WWP2: variants seen among roughly 807,000 people sequenced by gnomAD.
WWP2 encodes NEDD4-like E3 ubiquitin-protein ligase WWP2.
WWP2 carries 57 observed loss-of-function variants against 121.0 expected under a neutral mutation model. The ratio of observed to expected loss-of-function variants is 0.47; its 90% CI spans 0.38 to 0.59. WWP2 has a LOEUF of 0.59. WWP2 is among the 20% of genes least tolerant of loss of function. WWP2 has a pLI of 0.00. For synonymous variants in WWP2, 449 were observed against 441.3 expected, an observed-to-expected ratio of 1.02 and a Z score of -0.22; for missense variants, 962 against 1,158.9, an observed-to-expected ratio of 0.83 and a Z score of 2.47.
intron 1 of WWP2, among the ~76,000 whole-genome samples, chr16:69,777,303 T>C (rs2055555418): frequency 6.6e-6 from 1 of 151,962 alleles, no homozygotes. Context: ...TATACTTTTA[T>C]ATTTTCTTTT....
intron 9 of WWP2, among the ~76,000 whole-genome samples, chr16:69,914,855 C>G (rs145081584): frequency 7.2e-5 from 11 of 152,334 alleles, no homozygotes; most frequent in African/African-American, 2.6e-4. Context: ...TTCAGACATT[C>G]TGGGCTTCAA....
At chr16:69,899,726 C>CAAAAAA (rs35485826) in intron 8 of WWP2, among the ~76,000 whole-genome samples, 6 of 64,714 alleles carry the variant, frequency 9.3e-5, no homozygotes, top group Admixed American at 2.2e-4. Context: ...GACTCCGTCT[C>CAAAAAA]AAAAAAAAAA....
intron 1 of WWP2, among the ~76,000 whole-genome samples, chr16:69,778,452 A>T (rs1342655424): frequency 6.6e-6 from 1 of 152,074 alleles, no homozygotes; most frequent in South Asian, 2.1e-4. Context: ...TTACTTGAGT[A>T]CGTGTACGGA....
chr16:69,794,988 G>A (rs2055997994), intron 2 of WWP2, among the ~76,000 whole-genome samples: 1 of 152,126 alleles, frequency 6.6e-6, no homozygotes, highest in African/African-American at 2.4e-5. Flanking sequence ...GCTCTGGCGG[G>A]TAGATCGCTT....
intron 6 of WWP2, among the ~76,000 whole-genome samples, chr16:69,855,691 G>A (rs756685013): frequency 4.6e-5 from 7 of 152,162 alleles, no homozygotes; most frequent in Non-Finnish European, 1.0e-4. Flanking sequence ...AAGAGAGTTT[G>A]GGCAGAAGAA....
Position 69,924,730 on chromosome 16 carries a change from AAC to A in WWP2, c.1180-696_1180-695del, listed in dbSNP as rs1324138718. ...CCCCCCCCACCCCCACCCCGAGACA[AAC>A]ACAGAACACTGAGCAACTTCAGGTT... On this transcript the variant is annotated intron_variant, in intron 10 of 23. Transcript: ENST00000359154. Among the ~76,000 whole-genome samples, 13 of 131,874 alleles carry A rather than the reference AAC, an allele frequency of 9.9e-5. No individual in the cohort carries two copies. In the East Asian group the frequency reaches 1.4e-3, roughly 14 times the overall value. The allele number at this position is 131,874 out of a possible 152,430, so 86.5% of individuals were successfully genotyped here. A position where few individuals can be genotyped will look rare whatever the true frequency, so the allele number is the denominator to read the frequency against.
At chr16:69,909,096 A>G (rs1279857408) in intron 9 of WWP2, 4 of 1,271,594 alleles carry the variant, frequency 3.1e-6, no homozygotes, top group Non-Finnish European at 3.0e-6. Context: ...GTGTTGATGC[A>G]TTCCGCCGTA....
intron 19 of WWP2, 109 bp downstream of exon 19, chr16:69,936,561 T>G (rs1207516436): frequency 1.3e-6 from 2 of 1,487,846 alleles, no homozygotes; most frequent in African/African-American, 2.8e-5. Flanking sequence ...GTGGATGCCA[T>G]TTGCATTTGC....
intron 4 of WWP2, among the ~76,000 whole-genome samples, chr16:69,835,178 A>G (rs1313173639): frequency 6.6e-6 from 1 of 152,202 alleles, no homozygotes; most frequent in African/African-American, 2.4e-5. Flanking sequence ...ACATACTGGA[A>G]GAGAAAGGGC....
intron 8 of WWP2, among the ~76,000 whole-genome samples, chr16:69,901,731 C>T (rs2058208763): frequency 6.6e-6 from 1 of 152,116 alleles, no homozygotes; most frequent in Admixed American, 6.5e-5. Context: ...GCTGATAATG[C>T]TCTTACCAAG....
intron 7 of WWP2, among the ~76,000 whole-genome samples, chr16:69,879,420 C>G (rs2057787083): frequency 6.6e-6 from 1 of 152,126 alleles, no homozygotes; most frequent in South Asian, 2.1e-4. Flanking sequence ...ATGGTGACCC[C>G]TATTCTCCTG....
At chr16:69,892,975 C>T (rs1319341398) in intron 8 of WWP2, among the ~76,000 whole-genome samples, 1 of 152,220 alleles carries the variant, frequency 6.6e-6, no homozygotes, top group East Asian at 1.9e-4. Context: ...ACCCCACCTA[C>T]CCTTCAAGCC....
chr16:69,853,217 A>T (rs9922239), intron 6 of WWP2, among the ~76,000 whole-genome samples: 1 of 152,182 alleles, frequency 6.6e-6, no homozygotes, highest in Non-Finnish European at 1.5e-5. Context: ...AAAAGGATTT[A>T]ATATGGGGAA....
At position 69,925,344 on chromosome 16, in the gene WWP2, G is replaced by A; in HGVS notation, c.1180-86G>A. 2 of 1,576,286 alleles carry A rather than the reference G, an allele frequency of 1.3e-6. No individual in the cohort carries two copies. Among genetic ancestry groups the A allele is most frequent in the South Asian group, 2.3e-5 (2 of 86,260 alleles). On this transcript the variant is annotated intron_variant, in intron 10 of 23. Coordinates refer to ENST00000359154, the MANE Select transcript of WWP2 (RefSeq NM_001270454.2). The surrounding 1 kb of genome is among the most constrained non-coding windows in gnomAD (Gnocchi z 4.0). ...CGCTCAAATGTGGAAGCCAGTCATT[G>A]GCATTTTTATTTTTTATTGATTGAT...
intron 4 of WWP2, among the ~76,000 whole-genome samples, chr16:69,809,400 G>T (rs1011719740): frequency 1.3e-5 from 2 of 152,088 alleles, no homozygotes; most frequent in Non-Finnish European, 2.9e-5. Context: ...CCGGATGCGA[G>T]ACTGTCTTGC....
At chr16:69,924,810 G>A (rs778442560) in intron 10 of WWP2, among the ~76,000 whole-genome samples, 2 of 151,364 alleles carry the variant, frequency 1.3e-5, no homozygotes, top group Admixed American at 6.6e-5. Flanking sequence ...AACATTCCTG[G>A]GGGAGGTGAG....
At chr16:69,857,199 G>T (rs1199668567) in intron 6 of WWP2, among the ~76,000 whole-genome samples, 1 of 152,052 alleles carries the variant, frequency 6.6e-6, no homozygotes, top group Non-Finnish European at 1.5e-5. Context: ...TGCCTCTGGG[G>T]TTCAAGCGAT....
chr16:69,893,691 G>A (rs1291985406), intron 8 of WWP2, among the ~76,000 whole-genome samples: 3 of 152,050 alleles, frequency 2.0e-5, no homozygotes, highest in Admixed American at 1.3e-4. Flanking sequence ...ACAGGCTTGC[G>A]CCACCACGCC....
chr16:69,861,533 A>C (rs1165110089), intron 6 of WWP2, among the ~76,000 whole-genome samples: 1 of 152,152 alleles, frequency 6.6e-6, no homozygotes, highest in African/African-American at 2.4e-5. Context: ...CTGGCAGTCC[A>C]GAGGTAGGGT....
Sources: allele counts gnomAD v4.1 joint callset (sites outside exome capture counted in the v4.1 genomes callset), GRCh38; gene constraint gnomAD v4.1.1; non-coding constraint Gnocchi (gnomAD v3.1); transcripts MANE v1.5; gene names NCBI Gene and HGNC (gene_info 2026-07-23, HGNC 2026-07-21).